The following PARD3B variants were observed in gnomAD, a reference collection of about 807,000 sequenced individuals.
PARD3B encodes partitioning defective 3 homolog B.
Under a neutral mutation model 130.2 loss-of-function variants are expected in PARD3B, and 103 were observed. The observed-to-expected ratio is 0.79, with a 90% CI of 0.67 to 0.93. The LOEUF is 0.93. Ranked by LOEUF, PARD3B falls within the 40% of genes least tolerant of loss-of-function variation. The pLI is 0.00. For synonymous variants in PARD3B, 583 were observed against 553.2 expected (o/e 1.05, Z -0.76); for missense variants, 1,609 against 1,499.2 (o/e 1.07, Z -1.21).
chr2:204,582,531 G>C lies in PARD3B; in HGVS notation c.120+36412G>C, dbSNP rs575373742. Among the ~76,000 whole-genome samples, 12 of 152,058 alleles carry C rather than the reference G, an allele frequency of 7.9e-5. No individual in the cohort carries two copies. The South Asian group carries it at 2.5e-3, about 32-fold the overall frequency. ...CCCCCCTCATTTCACACTATTAAAA[G>C]AGTGACACCCAACTTCTTAGGTTTC... is the stretch of plus-strand genomic sequence containing the variant. On this transcript the variant is annotated intron_variant, in intron 1 of 22. Coordinates refer to ENST00000406610, the MANE Select transcript of PARD3B (RefSeq NM_001302769.2).
chr2:204,954,991 T>G (rs190560571), intron 2 of PARD3B, among the ~76,000 whole-genome samples: 441 of 152,296 alleles, frequency 2.9e-3, no homozygotes, highest in Non-Finnish European at 4.6e-3. Context: ...TTTTACAAAA[T>G]AGGCTGCTCT....
intron 16 of PARD3B, among the ~76,000 whole-genome samples, chr2:205,278,945 T>C (rs1432125076): frequency 4.6e-5 from 7 of 150,820 alleles, no homozygotes; most frequent in Admixed American, 4.6e-4. Context: ...ATGGCGGGCG[T>C]CTGTAATCCC....
At chr2:205,304,679 T>TGCCTATGCCTC (rs1399000670) in intron 18 of PARD3B, among the ~76,000 whole-genome samples, 1 of 150,812 alleles carries the variant, frequency 6.6e-6, no homozygotes, top group Middle Eastern at 3.2e-3. Flanking sequence ...CTCAGGCATG[T>TGCCTATGCCTC]AATCCCAGCA....
intron 16 of PARD3B, among the ~76,000 whole-genome samples, chr2:205,279,486 A>G (rs971640836): frequency 2.6e-5 from 4 of 152,146 alleles, no homozygotes. Flanking sequence ...CATTTGCCAT[A>G]ATTTCACAAT....
chr2:204,803,577 A>C (rs2042653247), intron 2 of PARD3B, among the ~76,000 whole-genome samples: 1 of 152,184 alleles, frequency 6.6e-6, no homozygotes, highest in African/African-American at 2.4e-5. Flanking sequence ...GTTAAAGCCT[A>C]CAGTTTTTAT....
At position 205,558,405 on chromosome 2, in the gene PARD3B, G is replaced by A. The variant is rs942882412; in HGVS notation, c.3260+5002G>A. 6.6e-6 allele frequency among the ~76,000 whole-genome samples: 1 copy of A among 152,160 alleles called. No homozygotes were observed. The highest frequency in any genetic ancestry group is 2.4e-5 in the African/African-American group (1 of 41,438). On this transcript the variant is annotated intron_variant, in intron 22 of 22. Transcript: ENST00000406610. This position sits in a 1 kb window ranked among gnomAD's most constrained non-coding sequence, Gnocchi z 4.8. ...TATTATCTCAGGACCGGGCAGTGCT[G>A]AACATGCAACTACCAGACTTATACC...
intron 15 of PARD3B, among the ~76,000 whole-genome samples, chr2:205,238,904 A>ATATATGTATGTGTATATATATATATG (rs2039223005): frequency 7.9e-6 from 1 of 127,160 alleles, no homozygotes; most frequent in Non-Finnish European, 1.6e-5. Context: ...ATATATATAT[A>ATATATGTATGTGTATATATATATATG]TATATGTATG....
chr2:205,494,420 T>C (rs1456460474), intron 20 of PARD3B, among the ~76,000 whole-genome samples: 1 of 152,150 alleles, frequency 6.6e-6, no homozygotes, highest in Non-Finnish European at 1.5e-5. Context: ...TGATCCAGAA[T>C]GTGTCTTTCA....
intron 4 of PARD3B, among the ~76,000 whole-genome samples, chr2:205,099,793 G>T (rs1364724807): frequency 6.6e-6 from 1 of 152,088 alleles, no homozygotes; most frequent in Admixed American, 6.6e-5. Flanking sequence ...AAATGATCTT[G>T]GCAAGTGATA....
chr2:205,526,573 A>G (rs1387134387), intron 21 of PARD3B, among the ~76,000 whole-genome samples: 1 of 152,148 alleles, frequency 6.6e-6, no homozygotes, highest in African/African-American at 2.4e-5. Context: ...TGTTTATGGC[A>G]CTTACTGCCT....
chr2:204,688,936 A>G (rs1233864435), intron 2 of PARD3B, among the ~76,000 whole-genome samples: 1 of 152,174 alleles, frequency 6.6e-6, no homozygotes, highest in African/African-American at 2.4e-5. Context: ...GCTAACCCCA[A>G]AATATCTCAC....
chr2:205,570,884 C>T (rs2106546560), intron 22 of PARD3B, among the ~76,000 whole-genome samples: 1 of 152,234 alleles, frequency 6.6e-6, no homozygotes, highest in East Asian at 1.9e-4. Context: ...TCATCACAGC[C>T]AAAAGTACTA....
chr2:204,650,986 G>T (rs192344514), intron 1 of PARD3B, among the ~76,000 whole-genome samples: 6 of 152,244 alleles, frequency 3.9e-5, no homozygotes, highest in African/African-American at 1.4e-4. Context: ...CAAGTGGGAA[G>T]TCCACCTCTA....
intron 18 of PARD3B, among the ~76,000 whole-genome samples, chr2:205,303,107 G>C (rs78074623): frequency 6.6e-6 from 1 of 151,852 alleles, no homozygotes; most frequent in African/African-American, 2.4e-5. Context: ...CTTGTTTGTC[G>C]GGGGCTAAAA....
intron 6 of PARD3B, among the ~76,000 whole-genome samples, chr2:205,114,777 A>G (rs555278611): frequency 1.0e-3 from 153 of 149,992 alleles, no homozygotes; most frequent in Non-Finnish European, 1.7e-3. Context: ...TGCAAATAAC[A>G]TCTGATGCCA....
chr2:205,103,182 G>GTAAAA (rs1575788865), intron 4 of PARD3B, among the ~76,000 whole-genome samples: 5 of 92,110 alleles, frequency 5.4e-5, no homozygotes, highest in South Asian at 6.5e-4. Context: ...TTTATGTAAA[G>GTAAAA]TAAACATTTT....
chr2:205,433,532 C>A (rs1160572291), intron 19 of PARD3B, among the ~76,000 whole-genome samples: 37 of 110,226 alleles, frequency 3.4e-4, no homozygotes, highest in African/African-American at 1.2e-3. Context: ...GACTCTGTGT[C>A]AAAAAAAAAA....
At chr2:204,645,532 T>G (rs1166105295) in intron 1 of PARD3B, among the ~76,000 whole-genome samples, 1 of 152,188 alleles carries the variant, frequency 6.6e-6, no homozygotes, top group Admixed American at 6.5e-5. Context: ...GGCATTTTCC[T>G]GCATATTCCA....
At chr2:204,972,728 G>A (rs1055738724) in intron 3 of PARD3B, among the ~76,000 whole-genome samples, 7 of 152,080 alleles carry the variant, frequency 4.6e-5, no homozygotes, top group Admixed American at 1.3e-4. Flanking sequence ...AAAAAACAGA[G>A]TTCACCATCT....
Sources: allele counts gnomAD v4.1 joint callset (sites outside exome capture counted in the v4.1 genomes callset), GRCh38; gene constraint gnomAD v4.1.1; non-coding constraint Gnocchi (gnomAD v3.1); transcripts MANE v1.5; gene names NCBI Gene and HGNC (gene_info 2026-07-23, HGNC 2026-07-21).